ST3GAL1: variants seen among roughly 807,000 people sequenced by gnomAD.
ST3GAL1 encodes the protein ST3 beta-galactoside alpha-2,3-sialyltransferase 1.
Under a neutral mutation model 34.1 loss-of-function variants are expected in ST3GAL1, and 16 were observed. The ratio of observed to expected loss-of-function variants is 0.47; its 90% CI spans 0.32 to 0.71. The LOEUF is 0.71. Ranked by LOEUF, ST3GAL1 falls within the 30% of genes least tolerant of loss-of-function variation. The pLI is 0.04. For missense variants in ST3GAL1, 353 were observed against 447.4 expected (o/e 0.79, Z 1.90); for synonymous variants, 191 against 184.7 (o/e 1.03, Z -0.28).
At chr8:133,551,602 GAAAGAAAGAAAGAA>G (rs1818862529) in intron 1 of ST3GAL1, among the ~76,000 whole-genome samples, 1 of 150,422 alleles carries the variant, frequency 6.6e-6, no homozygotes, top group Non-Finnish European at 1.5e-5. Flanking sequence ...AAGAAAGAAA[GAAAGAAAGAAAGAA>G]AGAGCGAGCA....
intron 2 of ST3GAL1, among the ~76,000 whole-genome samples, chr8:133,536,342 A>G (rs187831917): frequency 4.6e-5 from 7 of 152,368 alleles, no homozygotes; most frequent in African/African-American, 1.7e-4. Context: ...GATGCCCTTC[A>G]GGAACAAAGA....
intron 1 of ST3GAL1, among the ~76,000 whole-genome samples, chr8:133,564,560 A>T (rs2131115246): frequency 6.6e-6 from 1 of 152,148 alleles, no homozygotes; most frequent in African/African-American, 2.4e-5. Context: ...ACACAGAGTC[A>T]GAAGAAATGA....
intron 3 of ST3GAL1, among the ~76,000 whole-genome samples, chr8:133,482,593 G>A (rs1816435235): frequency 6.6e-6 from 1 of 152,202 alleles, no homozygotes; most frequent in Non-Finnish European, 1.5e-5. Flanking sequence ...CCTGCTCCCA[G>A]GCCAGCTCTG....
At chr8:133,493,479 G>A (rs1020203958) in intron 3 of ST3GAL1, among the ~76,000 whole-genome samples, 1 of 152,176 alleles carries the variant, frequency 6.6e-6, no homozygotes, top group Non-Finnish European at 1.5e-5. Context: ...TTTGCATGTG[G>A]GGGATGCTGT....
At chr8:133,482,147 C>A (rs1000302423) in intron 3 of ST3GAL1, among the ~76,000 whole-genome samples, 1 of 152,164 alleles carries the variant, frequency 6.6e-6, no homozygotes, top group African/African-American at 2.4e-5. Context: ...TTTCTCCCAA[C>A]TTATTTCCTT....
intron 2 of ST3GAL1, chr8:133,499,561 G>A (rs1817082137): frequency 6.6e-6 from 1 of 152,224 alleles, no homozygotes; most frequent in Non-Finnish European, 1.5e-5. Context: ...AGAGGGCCAG[G>A]ACAAAGGGCT....
intron 1 of ST3GAL1, among the ~76,000 whole-genome samples, chr8:133,554,158 C>A (rs1818939876): frequency 6.6e-6 from 1 of 152,174 alleles, no homozygotes; most frequent in East Asian, 1.9e-4. Flanking sequence ...AGGTACCAGG[C>A]ACTTTTCCAA....
intron 1 of ST3GAL1, chr8:133,567,449 C>T (rs1203847458): frequency 6.6e-6 from 1 of 152,152 alleles, no homozygotes; most frequent in African/African-American, 2.4e-5. Flanking sequence ...CCCCTCTGAG[C>T]CTCAATATTT....
At position 133,553,554 on chromosome 8, in the gene ST3GAL1, T is replaced by A. The variant is rs540729955; in HGVS notation, c.-581-7628A>T. Among the ~76,000 whole-genome samples the A allele has an allele frequency of 2.0e-5, 3 of 152,318 alleles. No homozygotes were observed. In the South Asian group the frequency reaches 6.2e-4, roughly 32 times the overall value. On this transcript the variant is annotated intron_variant, in intron 1 of 9. Coordinates refer to ENST00000522652, the MANE Select transcript of ST3GAL1 (RefSeq NM_173344.3). ...GTTATCTCATCACTCAGTACCTGTG[T>A]CTCCTCTTTTGGTGATGGGGATAAT... is the stretch of plus-strand genomic sequence containing the variant.
chr8:133,525,523 G>A (rs1401179764), intron 2 of ST3GAL1, among the ~76,000 whole-genome samples: 2 of 152,164 alleles, frequency 1.3e-5, no homozygotes, highest in Non-Finnish European at 2.9e-5. Context: ...TGAAGGTGGT[G>A]TTTCACCTGG....
chr8:133,541,263 A>G (rs1022519431), intron 2 of ST3GAL1, among the ~76,000 whole-genome samples: 1 of 151,388 alleles, frequency 6.6e-6, no homozygotes, highest in Non-Finnish European at 1.5e-5. Flanking sequence ...CCTGAAACCA[A>G]CATTTATCTG....
At chr8:133,563,238 A>G (rs1819298974) in intron 1 of ST3GAL1, among the ~76,000 whole-genome samples, 1 of 151,586 alleles carries the variant, frequency 6.6e-6, no homozygotes, top group African/African-American at 2.4e-5. Flanking sequence ...GTACACCCCA[A>G]TGTGTACTTT....
chr8:133,463,115 A>T (rs1446594983), intron 8 of ST3GAL1, among the ~76,000 whole-genome samples: 1 of 152,164 alleles, frequency 6.6e-6, no homozygotes, highest in Non-Finnish European at 1.5e-5. Flanking sequence ...GTCCCCGGAG[A>T]ATGTGTTAAA....
At chr8:133,477,301 G>A (rs1240686187) in intron 3 of ST3GAL1, among the ~76,000 whole-genome samples, 1 of 152,178 alleles carries the variant, frequency 6.6e-6, no homozygotes, top group Non-Finnish European at 1.5e-5. Flanking sequence ...TTCAACATGT[G>A]AATGAATCAA....
chr8:133,496,853 C>T (rs1313727134), intron 3 of ST3GAL1, among the ~76,000 whole-genome samples: 1 of 152,232 alleles, frequency 6.6e-6, no homozygotes, highest in Non-Finnish European at 1.5e-5. Context: ...AAATACCACC[C>T]CTCTTCCGAG....
chr8:133,506,122 T>C (rs971020864), intron 2 of ST3GAL1, among the ~76,000 whole-genome samples: 1 of 152,184 alleles, frequency 6.6e-6, no homozygotes, highest in Admixed American at 6.5e-5. Flanking sequence ...ATTTCCATCA[T>C]CAGGAAAGTT....
At chr8:133,471,371 C>T (rs887210330) in intron 5 of ST3GAL1, among the ~76,000 whole-genome samples, 7 of 152,154 alleles carry the variant, frequency 4.6e-5, no homozygotes, top group Non-Finnish European at 8.8e-5. Context: ...CCGGGACAGG[C>T]GGTGCTTAGA....
At chr8:133,484,255 GC>G (rs1257064095) in intron 3 of ST3GAL1, among the ~76,000 whole-genome samples, 1 of 152,174 alleles carries the variant, frequency 6.6e-6, no homozygotes, top group African/African-American at 2.4e-5. Context: ...CAGGCTCAGG[GC>G]CTGCACCAGC....
intron 1 of ST3GAL1, among the ~76,000 whole-genome samples, chr8:133,550,231 C>A (rs1255596860): frequency 6.6e-6 from 1 of 152,196 alleles, no homozygotes; most frequent in Non-Finnish European, 1.5e-5. Context: ...TCGTGCTCTG[C>A]TGTCATGCCT....
Sources: allele counts gnomAD v4.1 joint callset (sites outside exome capture counted in the v4.1 genomes callset), GRCh38; gene constraint gnomAD v4.1.1; transcripts MANE v1.5; gene names NCBI Gene and HGNC (gene_info 2026-07-23, HGNC 2026-07-21).